The following PKNOX2 variants were observed in gnomAD, a reference collection of about 807,000 sequenced individuals.
PKNOX2 encodes the protein homeobox protein PKNOX2.
Under a neutral mutation model 53.1 loss-of-function variants are expected in PKNOX2, and 14 were observed. That is an observed-to-expected ratio of 0.26 (90% CI 0.17 to 0.41). PKNOX2 has a LOEUF of 0.41. PKNOX2 is among the 10% of genes least tolerant of loss of function. PKNOX2 has a pLI of 1.00. For missense variants in PKNOX2, 496 were observed against 602.8 expected, an observed-to-expected ratio of 0.82 and a Z score of 1.85; for synonymous variants, 257 against 242.8, an observed-to-expected ratio of 1.06 and a Z score of -0.54.
intron 5 of PKNOX2, among the ~76,000 whole-genome samples, chr11:125,376,867 G>A (rs141574375): frequency 2.0e-5 from 3 of 152,292 alleles, no homozygotes; most frequent in Admixed American, 2.0e-4. Context: ...TTTAAGAAGT[G>A]TCATAAAATA....
chr11:125,248,374 G>A (rs558247678), intron 2 of PKNOX2, among the ~76,000 whole-genome samples: 1 of 152,192 alleles, frequency 6.6e-6, no homozygotes, highest in South Asian at 2.1e-4. Context: ...CAGCTCTGTC[G>A]GGTCCCAGGA....
chr11:125,393,423 G>A (rs758486006), intron 6 of PKNOX2, among the ~76,000 whole-genome samples: 16 of 152,166 alleles, frequency 1.1e-4, no homozygotes, highest in Non-Finnish European at 1.8e-4. Flanking sequence ...ATATGGAGAA[G>A]GTCCGAGGCA....
intron 1 of PKNOX2, among the ~76,000 whole-genome samples, chr11:125,169,810 A>G (rs1156762103): frequency 1.3e-5 from 2 of 152,196 alleles, no homozygotes; most frequent in Non-Finnish European, 2.9e-5. Flanking sequence ...TTCTTAGGCT[A>G]TAGTAAAGGG....
At chr11:125,202,501 AGGTCTGGGCAGTT>A (rs1938565783) in intron 1 of PKNOX2, among the ~76,000 whole-genome samples, 1 of 152,160 alleles carries the variant, frequency 6.6e-6, no homozygotes, top group Non-Finnish European at 1.5e-5. Flanking sequence ...GTCCCCAAAG[AGGTCTGGGCAGTT>A]GGCAGGTGCA....
At chr11:125,224,722 C>G (rs1268169393) in intron 1 of PKNOX2, among the ~76,000 whole-genome samples, 1 of 152,244 alleles carries the variant, frequency 6.6e-6, no homozygotes, top group Non-Finnish European at 1.5e-5. Flanking sequence ...CACTGAGCCA[C>G]CCCTCCGCAG....
intron 6 of PKNOX2, among the ~76,000 whole-genome samples, chr11:125,389,335 T>TGCCC (rs1295625057): frequency 6.6e-6 from 1 of 152,234 alleles, no homozygotes; most frequent in African/African-American, 2.4e-5. Flanking sequence ...TCCTCCGCTC[T>TGCCC]GCCCACAACA....
At chr11:125,419,688 T>C (rs1956070637) in intron 10 of PKNOX2, among the ~76,000 whole-genome samples, 1 of 151,710 alleles carries the variant, frequency 6.6e-6, no homozygotes, top group South Asian at 2.1e-4. Context: ...ACTCACAGAT[T>C]AGTACGAATT....
In PKNOX2 at chr11:125,304,043, A is replaced by G. The variant is rs143049938; in HGVS notation, c.-129-27776A>G. ...ATGCAGGGATGTTGTTGGGATCTGG[A>G]TGTCACAAGGGACGTGGTTGGCAGG... On this transcript the variant is annotated intron_variant, in intron 2 of 12. Coordinates refer to ENST00000298282, the MANE Select transcript of PKNOX2 (RefSeq NM_001382323.2). Among the ~76,000 whole-genome samples the G allele has an allele frequency of 3.3e-3, 503 of 152,314 alleles. 1 individual carries two copies. The highest frequency in any genetic ancestry group is 0.01 in the African/African-American group (416 of 41,576).
chr11:125,260,697 C>G (rs1944779972), intron 2 of PKNOX2, among the ~76,000 whole-genome samples: 1 of 152,134 alleles, frequency 6.6e-6, no homozygotes, highest in Non-Finnish European at 1.5e-5. Flanking sequence ...GGAGGTCAGC[C>G]CTGTTTTCCA....
chr11:125,278,354 A>T (rs953837294), intron 2 of PKNOX2, among the ~76,000 whole-genome samples: 36 of 152,242 alleles, frequency 2.4e-4, no homozygotes, highest in Admixed American at 2.0e-4. Context: ...CTCGTAGGGA[A>T]GTCTGGGTTT....
In PKNOX2 at chr11:125,410,121, C is replaced by T. The variant is rs138215426; in HGVS notation, c.589-75C>T. The T allele has an allele frequency of 1.1e-3, 1,660 of 1,545,682 alleles. 4 individuals are homozygous for T. Among genetic ancestry groups the T allele is most frequent in the Middle Eastern group, 6.0e-3 (35 of 5,790 alleles). ...GGGGGCAGGCAGGAAGGGGAAAGGACGGAAGAGGACTCTGGGGCTGTAGGG... is the reference window on the plus strand; with the variant it reads ...GGGGGCAGGCAGGAAGGGGAAAGGATGGAAGAGGACTCTGGGGCTGTAGGG... On this transcript the variant is annotated intron_variant, in intron 7 of 12. Transcript: ENST00000298282.
At chr11:125,299,996 T>C (rs545961777) in intron 2 of PKNOX2, among the ~76,000 whole-genome samples, 2 of 152,368 alleles carry the variant, frequency 1.3e-5, no homozygotes, top group African/African-American at 2.4e-5. Flanking sequence ...ATGACTCTCC[T>C]TCTCCACAAA....
intron 2 of PKNOX2, among the ~76,000 whole-genome samples, chr11:125,263,588 A>G (rs1437851349): frequency 6.6e-6 from 1 of 152,192 alleles, no homozygotes; most frequent in Non-Finnish European, 1.5e-5. Flanking sequence ...CGGGTTCTGG[A>G]CTTAGCTCAG....
Position 125,351,354 on chromosome 11 carries a change from C to G in PKNOX2, c.49C>G (p.Gln17Glu), listed in dbSNP as rs976911254. Residue 17 changes from glutamine to glutamate, a missense_variant, in exon 4 of 13, where the codon CAG becomes GAG. Gln to Glu is a conservative substitution (Grantham distance 29). This residue lies in a region of PKNOX2 where 168 missense variants were observed against 178.4 expected (regional missense o/e 0.94). Coordinates refer to ENST00000298282, the MANE Select transcript of PKNOX2 (RefSeq NM_001382323.2). ...CCCCGCTCTGACGATGATGGCCACGCAGAATGTCCCGCCCCCACCCTACCA... is the reference window on the plus strand; with the variant it reads ...CCCCGCTCTGACGATGATGGCCACGGAGAATGTCCCGCCCCCACCCTACCA... Reference protein sequence around the residue: ...PAPALTMMATQNVPPPPYQDS... With the variant: ...PAPALTMMATENVPPPPYQDS... 3 of 1,609,498 alleles carry G rather than the reference C, an allele frequency of 1.9e-6. No homozygotes were observed. The highest frequency in any genetic ancestry group is 1.7e-5 in the Admixed American group (1 of 59,768).
intron 2 of PKNOX2, chr11:125,239,783 A>G (rs538596107): frequency 6.6e-6 from 1 of 152,398 alleles, no homozygotes; most frequent in East Asian, 1.9e-4. Flanking sequence ...CTTTGCAGCC[A>G]GCTCCGTGGC....
chr11:125,408,445 C>T (rs1379324088), intron 7 of PKNOX2, among the ~76,000 whole-genome samples: 1 of 152,208 alleles, frequency 6.6e-6, no homozygotes, highest in African/African-American at 2.4e-5. Flanking sequence ...AGAATAGAAG[C>T]AAGGCCTCCA....
At chr11:125,428,949 GTCCCT>G in intron 10 of PKNOX2, 58 bp from the exon 11 acceptor site, 1 of 1,526,734 alleles carries the variant, frequency 6.5e-7, no homozygotes, top group Non-Finnish European at 9.1e-7. Flanking sequence ...CGTGGGCACA[GTCCCT>G]TGGGGGGGCC....
chr11:125,221,705 G>T (rs745677707), intron 1 of PKNOX2, among the ~76,000 whole-genome samples: 1 of 152,018 alleles, frequency 6.6e-6, no homozygotes, highest in African/African-American at 2.4e-5. Context: ...CATTTCCTTC[G>T]ACTGTCACAC....
At chr11:125,399,307 A>G (rs965635754) in intron 7 of PKNOX2, among the ~76,000 whole-genome samples, 6 of 152,230 alleles carry the variant, frequency 3.9e-5, no homozygotes, top group African/African-American at 1.4e-4. Context: ...AAATAGACTC[A>G]TTCCTTCAGA....
Sources: gnomAD v4.1 joint callset for allele counts (sites outside exome capture counted in the v4.1 genomes callset) on GRCh38, gnomAD v4.1.1 for gene constraint, gnomAD v4.1.1 regional missense constraint, MANE v1.5 for transcripts, NCBI Gene and HGNC (gene_info 2026-07-23, HGNC 2026-07-21) for gene names.